The following CPEB1 variants were observed in gnomAD, a reference collection of about 807,000 sequenced individuals.
CPEB1 encodes cytoplasmic polyadenylation element-binding protein 1.
Under a neutral mutation model 65.8 loss-of-function variants are expected in CPEB1, and 7 were observed. That is an observed-to-expected ratio of 0.11 (90% confidence interval 0.06 to 0.20). The LOEUF is 0.20. Among genes scored for constraint, CPEB1 ranks in the 10% least tolerant of loss-of-function variants. The probability of loss-of-function intolerance (pLI) is 1.00; values close to 1 mark genes in which losing one functional copy is unlikely to be tolerated. For synonymous variants in CPEB1, 262 were observed against 260.0 expected, an observed-to-expected ratio of 1.01 and a Z score of -0.08; for missense variants, 551 against 712.2, an observed-to-expected ratio of 0.77 and a Z score of 2.58.
chr15:82,613,606 C>T (rs929187570), intron 3 of CPEB1, among the ~76,000 whole-genome samples: 2 of 152,130 alleles, frequency 1.3e-5, no homozygotes, highest in African/African-American at 2.4e-5. Flanking sequence ...GGTCTCTAAC[C>T]ACCTCAACCT....
chr15:82,580,067 A>T (rs2041116379), intron 3 of CPEB1, among the ~76,000 whole-genome samples: 1 of 151,554 alleles, frequency 6.6e-6, no homozygotes, highest in Admixed American at 6.6e-5. Context: ...CACACCTGTA[A>T]TCCCAGCACA....
rs770390317 is a variant in CPEB1 at position 82,553,949 on chromosome 15, G to A, written c.983C>T (p.Pro328Leu). The A allele has an allele frequency of 6.2e-7, 1 of 1,611,836 alleles. No individual in the cohort carries two copies. Among genetic ancestry groups the A allele is most frequent in the Non-Finnish European group, 8.5e-7 (1 of 1,179,212 alleles). ...ATCTWSGQLP[P>L]RNYKNPIYSC... The stretch of plus-strand genomic sequence containing the variant: ...GTAGATGGGGTTCTTATAGTTCCGG[G>A]GAGGAAGCTGGCCACTCCAGGTACA... Residue 328 changes from proline (P) to leucine (L), a missense_variant, in exon 7 of 13, where the codon CCC (proline) becomes CTC (leucine). Pro to Leu is a moderately conservative substitution (Grantham distance 98, BLOSUM62 -3). Transcript: ENST00000684509.
Position 82,556,352 on chromosome 15 carries a change from T to C in CPEB1, c.688-230A>G, listed in dbSNP as rs77431254. The C allele has an allele frequency of 8.7e-3, 4,104 of 473,334 alleles. 140 individuals carry two copies. Among genetic ancestry groups the C allele is most frequent in the African/African-American group, 0.076 (3,679 of 48,708 alleles). The allele number at this position is 473,334 out of a possible 1,614,324, so 29.3% of individuals were successfully genotyped here. A position where few individuals can be genotyped will look rare whatever the true frequency, so the allele number is the denominator to read the frequency against. Reference sequence around the variant, plus strand: ...CATATTGCCAGTCTTTATAACCATTTAAAATGCATTTATCATATTCTATTT... The same window carrying C: ...CATATTGCCAGTCTTTATAACCATTCAAAATGCATTTATCATATTCTATTT... On this transcript the variant is annotated intron_variant, in intron 5 of 12. Coordinates refer to ENST00000684509, the MANE Select transcript of CPEB1 (RefSeq NM_001365242.1).
At chr15:82,627,144 C>CA in intron 3 of CPEB1, 49 bp downstream of exon 3, 1 of 1,437,854 alleles carries the variant, frequency 7.0e-7, no homozygotes, top group Non-Finnish European at 9.4e-7. Context: ...TACTTAGAAG[C>CA]AGATCTGTAC....
At position 82,602,112 on chromosome 15, in the gene CPEB1, T is replaced by G. The variant is rs960622528; in HGVS notation, c.271+25081A>C. Among the ~76,000 whole-genome samples, 5 of 152,316 alleles carry G rather than the reference T, an allele frequency of 3.3e-5. No individual in the cohort carries two copies. In the East Asian group the frequency reaches 9.6e-4, roughly 29 times the overall value. ...ACAAAGTAGAGCATATGTTAGACTA[T>G]AAAGCAAGCCTCAACAAATTTGAAG... On this transcript the variant is annotated intron_variant, in intron 3 of 12. Transcript: ENST00000684509.
chr15:82,608,640 A>C (rs1596099536), intron 3 of CPEB1, among the ~76,000 whole-genome samples: 1 of 152,198 alleles, frequency 6.6e-6, no homozygotes, highest in East Asian at 1.9e-4. Flanking sequence ...CTTTTGGTTT[A>C]ATTTCCAGAG....
At chr15:82,590,140 A>G (rs2042106926) in intron 3 of CPEB1, among the ~76,000 whole-genome samples, 1 of 149,792 alleles carries the variant, frequency 6.7e-6, no homozygotes, top group Non-Finnish European at 1.5e-5. Context: ...AACATCTAGA[A>G]GAGTTTATTA....
chr15:82,631,605 C>A (rs1043777570), intron 1 of CPEB1, among the ~76,000 whole-genome samples: 3 of 152,018 alleles, frequency 2.0e-5, no homozygotes, highest in African/African-American at 7.3e-5. Context: ...GTCTATCAGT[C>A]GTATCATTAT....
At chr15:82,601,778 A>G (rs971626825) in intron 3 of CPEB1, among the ~76,000 whole-genome samples, 3 of 148,958 alleles carry the variant, frequency 2.0e-5, no homozygotes, top group South Asian at 4.6e-4. Context: ...TGAGAAAGAA[A>G]TGCATTTCAT....
chr15:82,619,967 C>T (rs1050513885), intron 3 of CPEB1, among the ~76,000 whole-genome samples: 4 of 152,080 alleles, frequency 2.6e-5, no homozygotes, highest in East Asian at 1.9e-4. Flanking sequence ...CAGCACTATT[C>T]GCAATGGCCC....
chr15:82,646,784 C>CG (rs2047583532), intron 1 of CPEB1, among the ~76,000 whole-genome samples: 2 of 152,144 alleles, frequency 1.3e-5, no homozygotes, highest in African/African-American at 4.8e-5. Context: ...GAAAAAGCCT[C>CG]GGGGAATGAC....
rs529560688 is a variant in CPEB1, at chr15:82,553,679, G to A, written c.1055-123C>T. Reference sequence around the variant, plus strand: ...CCCCACTGACAAACAACTCAGAAACGAATGCTGATCTCCGGTGTAAGCTCC... The same window carrying A: ...CCCCACTGACAAACAACTCAGAAACAAATGCTGATCTCCGGTGTAAGCTCC... On this transcript the variant is annotated intron_variant, in intron 7 of 12. Coordinates refer to ENST00000684509, the MANE Select transcript of CPEB1 (RefSeq NM_001365242.1). 31 of 811,314 alleles carry A rather than the reference G, an allele frequency of 3.8e-5. No homozygotes were observed. The African/African-American group carries it at 4.7e-4, about 12-fold the overall frequency. The allele number at this position is 811,314 out of a possible 1,614,324, so 50.3% of individuals were successfully genotyped here. A position where few individuals can be genotyped will look rare whatever the true frequency, so the allele number is the denominator to read the frequency against.
intron 3 of CPEB1, among the ~76,000 whole-genome samples, chr15:82,599,752 A>AG (rs1048690325): frequency 5.3e-5 from 8 of 152,196 alleles, no homozygotes; most frequent in African/African-American, 1.7e-4. Context: ...GGGACCCCCC[A>AG]GAGTACCTAC....
intron 3 of CPEB1, among the ~76,000 whole-genome samples, chr15:82,577,798 C>T (rs957475109): frequency 2.6e-5 from 4 of 152,012 alleles, no homozygotes; most frequent in East Asian, 3.9e-4. Flanking sequence ...GCTGGGATTA[C>T]AGGTGTGAGC....
chr15:82,609,752 A>G (rs1425031766), intron 3 of CPEB1, among the ~76,000 whole-genome samples: 5 of 152,102 alleles, frequency 3.3e-5, no homozygotes, highest in Non-Finnish European at 5.9e-5. Flanking sequence ...ACCTTACAGA[A>G]AGTAAAAAAG....
At chr15:82,571,829 G>A (rs992314547) in intron 3 of CPEB1, 37 of 1,183,050 alleles carry the variant, frequency 3.1e-5, no homozygotes, top group East Asian at 4.5e-5. Context: ...CGGCTGAGCC[G>A]TGCAATAGAG....
intron 3 of CPEB1, among the ~76,000 whole-genome samples, chr15:82,576,971 G>C (rs557158790): frequency 6.6e-6 from 1 of 152,316 alleles, no homozygotes; most frequent in African/African-American, 2.4e-5. Context: ...GATGCAGTGA[G>C]CTGAGACCAC....
chr15:82,623,652 G>A (rs765759207), intron 3 of CPEB1, among the ~76,000 whole-genome samples: 1 of 152,076 alleles, frequency 6.6e-6, no homozygotes, highest in Non-Finnish European at 1.5e-5. Context: ...CTCCAGCCTG[G>A]ACAACAGAGC....
At chr15:82,646,888 C>G in intron 1 of CPEB1, 1 of 152,502 alleles carries the variant, frequency 6.6e-6, no homozygotes, top group East Asian at 1.9e-4. Flanking sequence ...CCCAACCGCT[C>G]GTCATCACGG....
Sources: allele counts gnomAD v4.1 joint callset (sites outside exome capture counted in the v4.1 genomes callset), GRCh38; gene constraint gnomAD v4.1.1; transcripts MANE v1.5; gene names NCBI Gene and HGNC (gene_info 2026-07-23, HGNC 2026-07-21).